Variants in PEBP4 observed in about 807,000 individuals in gnomAD.
PEBP4 encodes the protein phosphatidylethanolamine binding protein 4.
In PEBP4, 22 loss-of-function variants were observed where a neutral mutation model predicts 23.9. The ratio of observed to expected loss-of-function variants is 0.92; its 90% CI spans 0.66 to 1.31. The LOEUF is 1.31. Ranked by LOEUF, PEBP4 falls within the 40% of genes most tolerant of loss-of-function variation. The probability of loss-of-function intolerance (pLI) is 0.00; values close to 1 mark genes in which losing one functional copy is unlikely to be tolerated. For synonymous variants in PEBP4, 112 were observed against 99.3 expected, an observed-to-expected ratio of 1.13 and a Z score of -0.76; for missense variants, 324 against 281.7, an observed-to-expected ratio of 1.15 and a Z score of -1.07.
chr8:22,854,470 C>T (rs1169668818), intron 3 of PEBP4, among the ~76,000 whole-genome samples: 4 of 152,132 alleles, frequency 2.6e-5, no homozygotes, highest in Non-Finnish European at 2.9e-5. Flanking sequence ...GTCTCAGGAA[C>T]GTGCCTGGTG....
Position 22,804,844 on chromosome 8 carries a change from C to T in PEBP4, c.357+12793G>A, listed in dbSNP as rs140831296. Among the ~76,000 whole-genome samples, 665 of 152,232 alleles carry T rather than the reference C, an allele frequency of 4.4e-3. 2 individuals carry two copies. Among genetic ancestry groups the T allele is most frequent in the Middle Eastern group, 0.024 (7 of 294 alleles). On this transcript the variant is annotated intron_variant, in intron 4 of 6. Coordinates refer to ENST00000256404, the MANE Select transcript of PEBP4 (RefSeq NM_144962.3). ...TGACCTCATCTCTTCCATGCTGCCC[C>T]GTGACCACCCTGCTGCAGCCACACC...
chr8:22,831,197 A>G (rs1807078090), intron 3 of PEBP4, among the ~76,000 whole-genome samples: 2 of 152,230 alleles, frequency 1.3e-5, no homozygotes, highest in Admixed American at 1.3e-4. Context: ...TCTCTGGAGA[A>G]GTGTTCCTGA....
intron 3 of PEBP4, among the ~76,000 whole-genome samples, chr8:22,860,302 G>C (rs567887096): frequency 1.0e-3 from 156 of 150,400 alleles, no homozygotes; most frequent in Non-Finnish European, 1.7e-3. Flanking sequence ...TAGTCTTAAG[G>C]ACATTCACGT....
intron 4 of PEBP4, among the ~76,000 whole-genome samples, chr8:22,742,398 G>C (rs974176905): frequency 5.3e-5 from 8 of 152,174 alleles, no homozygotes; most frequent in African/African-American, 1.9e-4. Flanking sequence ...ATGGGAAAGA[G>C]GGTGAGACCC....
At chr8:22,761,445 G>A (rs1194666251) in intron 4 of PEBP4, among the ~76,000 whole-genome samples, 1 of 152,166 alleles carries the variant, frequency 6.6e-6, no homozygotes, top group Non-Finnish European at 1.5e-5. Flanking sequence ...TGCAAGCCGT[G>A]TTCATACAAA....
chr8:22,842,393 C>T (rs776026550), intron 3 of PEBP4, among the ~76,000 whole-genome samples: 57 of 152,256 alleles, frequency 3.7e-4, no homozygotes, highest in Middle Eastern at 3.4e-3. Flanking sequence ...ACATGGAAAA[C>T]GGTTCATTTG....
chr8:22,807,665 T>C (rs1036878908), intron 4 of PEBP4, among the ~76,000 whole-genome samples: 3 of 152,194 alleles, frequency 2.0e-5, no homozygotes, highest in African/African-American at 7.2e-5. Context: ...GTTCCTTTCC[T>C]GAAATGCAAT....
chr8:22,788,091 G>A (rs1481553449), intron 4 of PEBP4, among the ~76,000 whole-genome samples: 3 of 151,988 alleles, frequency 2.0e-5, no homozygotes, highest in African/African-American at 4.8e-5. Flanking sequence ...TGAAGGGAAG[G>A]GGGATGCTGG....
chr8:22,920,988 G>A (rs567242522), intron 2 of PEBP4, among the ~76,000 whole-genome samples: 4 of 152,212 alleles, frequency 2.6e-5, no homozygotes, highest in South Asian at 2.1e-4. Context: ...AGAAGGGCCC[G>A]AACAGCACCA....
intron 4 of PEBP4, among the ~76,000 whole-genome samples, chr8:22,741,485 A>C (rs377345516): frequency 1.3e-5 from 2 of 152,242 alleles, no homozygotes; most frequent in East Asian, 3.9e-4. Context: ...TAGCAAAAAA[A>C]CCCTGAGCCT....
chr8:22,887,474 T>A (rs1294645874), intron 3 of PEBP4, among the ~76,000 whole-genome samples: 1 of 151,448 alleles, frequency 6.6e-6, no homozygotes, highest in Non-Finnish European at 1.5e-5. Context: ...TTATAATATT[T>A]ACCAAATAAG....
At chr8:22,746,510 CTT>C (rs1271556057) in intron 4 of PEBP4, among the ~76,000 whole-genome samples, 2 of 151,994 alleles carry the variant, frequency 1.3e-5, no homozygotes, top group African/African-American at 4.8e-5. Context: ...GTCCTCTCTC[CTT>C]CCCTTCACTG....
chr8:22,773,565 T>G (rs1221784026), intron 4 of PEBP4, among the ~76,000 whole-genome samples: 1 of 152,058 alleles, frequency 6.6e-6, no homozygotes, highest in African/African-American at 2.4e-5. Context: ...GGCCTACCCC[T>G]CTCCCTACAG....
rs559625752 is a variant in PEBP4 at position 22,788,398 on chromosome 8, A to G, written c.357+29239T>C. Among the ~76,000 whole-genome samples the G allele has an allele frequency of 1.2e-3, 179 of 152,302 alleles. 1 individual carries two copies. Among genetic ancestry groups the G allele is most frequent in the Middle Eastern group, 6.8e-3 (2 of 294 alleles). Reference sequence around the variant, plus strand: ...GCTCTTAGGCGGAAGCCGTGTGGCTATGAGGGCCCATGAGAGGTGACGCAG... The same window carrying G: ...GCTCTTAGGCGGAAGCCGTGTGGCTGTGAGGGCCCATGAGAGGTGACGCAG... On this transcript the variant is annotated intron_variant, in intron 4 of 6. Transcript: ENST00000256404.
chr8:22,925,647 G>A (rs1449123035), intron 2 of PEBP4, among the ~76,000 whole-genome samples: 2 of 152,210 alleles, frequency 1.3e-5, no homozygotes, highest in African/African-American at 4.8e-5. Flanking sequence ...TGGCAGGGCA[G>A]AGCCTAGGGC....
intron 3 of PEBP4, among the ~76,000 whole-genome samples, chr8:22,854,412 G>A (rs150219503): frequency 1.3e-4 from 20 of 152,254 alleles, no homozygotes; most frequent in African/African-American, 4.8e-4. Context: ...ATACACAATA[G>A]TATTATAGGG....
At chr8:22,870,484 G>C (rs1807986197) in intron 3 of PEBP4, among the ~76,000 whole-genome samples, 1 of 152,174 alleles carries the variant, frequency 6.6e-6, no homozygotes, top group South Asian at 2.1e-4. Flanking sequence ...CAGTGAAATT[G>C]CTCTGTATGA....
At chr8:22,928,096 G>A (rs1809391407), upstream of PEBP4, among the ~76,000 whole-genome samples, 1 of 152,238 alleles carries the variant, frequency 6.6e-6, no homozygotes, top group Admixed American at 6.5e-5. Flanking sequence ...GCCCAGGGAT[G>A]GTCAGCTGGC....
chr8:22,874,750 T>C (rs924879321), intron 3 of PEBP4, among the ~76,000 whole-genome samples: 1 of 152,188 alleles, frequency 6.6e-6, no homozygotes. Flanking sequence ...GCAGCCTCAA[T>C]AACGCAGCGC....
Sources: gnomAD v4.1 joint callset for allele counts (sites outside exome capture counted in the v4.1 genomes callset) on GRCh38, gnomAD v4.1.1 for gene constraint, MANE v1.5 for transcripts, NCBI Gene and HGNC (gene_info 2026-07-23, HGNC 2026-07-21) for gene names.